The following ASIC2 variants were observed in gnomAD, a reference collection of about 807,000 sequenced individuals.
The protein encoded by ASIC2 is acid sensing ion channel subunit 2.
In ASIC2, 25 loss-of-function variants were observed where a neutral mutation model predicts 57.3. The ratio of observed to expected loss-of-function variants is 0.44; its 90% CI spans 0.32 to 0.61. The LOEUF (loss-of-function observed/expected upper bound fraction) is 0.61, where lower values mean the gene tolerates loss of function less well. Among genes scored for constraint, ASIC2 ranks in the 20% least tolerant of loss-of-function variants. The pLI, the probability that ASIC2 is intolerant of heterozygous loss-of-function variation, is 0.06. For missense variants in ASIC2, 641 were observed against 738.1 expected (o/e 0.87, Z 1.52); for synonymous variants, 319 against 307.5 (o/e 1.04, Z -0.39).
At chr17:33,151,560 T>C (rs1432003248) in intron 1 of ASIC2, among the ~76,000 whole-genome samples, 4 of 152,122 alleles carry the variant, frequency 2.6e-5, no homozygotes, top group African/African-American at 7.2e-5. Flanking sequence ...GCAACAGTGT[T>C]GAGAGGTGGG....
chr17:33,149,081 AAG>A lies in ASIC2; in HGVS notation c.709-37016_709-37015del, dbSNP rs549945827. Among the ~76,000 whole-genome samples, 446 of 152,330 alleles carry A rather than the reference AAG, an allele frequency of 2.9e-3. 7 individuals are homozygous for A. The highest frequency in any genetic ancestry group is 0.01 in the African/African-American group (431 of 41,576). On this transcript the variant is annotated intron_variant, in intron 1 of 9. Transcript: ENST00000225823. ...TGCACTCCAGCGTGGGTGACAGAGC[AAG>A]AGTCTGTCTTAAAAAAAAGAAACAA... is the stretch of plus-strand genomic sequence containing the variant.
intron 1 of ASIC2, chr17:34,072,330 TAAG>T (rs1909442532): frequency 6.6e-6 from 1 of 152,198 alleles, no homozygotes; most frequent in South Asian, 2.1e-4. Flanking sequence ...AGCAGCCTGT[TAAG>T]AAGAAGGGCA....
At chr17:33,310,816 T>G (rs145554353) in intron 1 of ASIC2, among the ~76,000 whole-genome samples, 1 of 152,236 alleles carries the variant, frequency 6.6e-6, no homozygotes, top group Non-Finnish European at 1.5e-5. Flanking sequence ...TCCAAATATA[T>G]AGATAGATAT....
At chr17:33,676,015 T>C (rs1297298781) in intron 1 of ASIC2, among the ~76,000 whole-genome samples, 1 of 152,256 alleles carries the variant, frequency 6.6e-6, no homozygotes, top group African/African-American at 2.4e-5. Context: ...CACATTTTTG[T>C]AATTCTTGCA....
chr17:33,917,853 G>A (rs527580297), intron 1 of ASIC2, among the ~76,000 whole-genome samples: 28 of 111,112 alleles, frequency 2.5e-4, no homozygotes, highest in South Asian at 5.8e-4. Flanking sequence ...CATAAAGCCC[G>A]GTACACACAC....
chr17:33,427,727 G>A (rs1002307551), intron 1 of ASIC2, among the ~76,000 whole-genome samples: 1 of 152,198 alleles, frequency 6.6e-6, no homozygotes, highest in African/African-American at 2.4e-5. Context: ...CTGTACACTA[G>A]AGATACCTGG....
intron 1 of ASIC2, among the ~76,000 whole-genome samples, chr17:33,518,842 A>G (rs1914651153): frequency 1.3e-5 from 2 of 149,478 alleles, no homozygotes; most frequent in South Asian, 4.2e-4. Flanking sequence ...TTTTTTTGAG[A>G]TGGAGTCTCG....
At chr17:33,073,057 A>G (rs551020945) in intron 3 of ASIC2, among the ~76,000 whole-genome samples, 1 of 152,086 alleles carries the variant, frequency 6.6e-6, no homozygotes, top group South Asian at 2.1e-4. Context: ...TTCAACAGTG[A>G]CTCACCCTCA....
intron 1 of ASIC2, among the ~76,000 whole-genome samples, chr17:33,515,204 G>A (rs1914530464): frequency 6.6e-6 from 1 of 152,194 alleles, no homozygotes; most frequent in African/African-American, 2.4e-5. Flanking sequence ...TCTGGGGTTG[G>A]GAGGGGATGG....
rs999528911 is a variant in ASIC2, at chr17:34,031,582, C to T, written c.555+124396G>A. Reference sequence around the variant, plus strand: ...CTACTCCAAGCTACAGGAGGAAATTCGAACCAATGGCAAAGAAGTTAAAAG... The same window carrying T: ...CTACTCCAAGCTACAGGAGGAAATTTGAACCAATGGCAAAGAAGTTAAAAG... On this transcript the variant is annotated intron_variant, in intron 1 of 9. Coordinates refer to the ASIC2 transcript ENST00000359872. Among the ~76,000 whole-genome samples the T allele has an allele frequency of 5.0e-4, 76 of 152,104 alleles. 1 individual carries two copies. Among genetic ancestry groups the T allele is most frequent in the Admixed American group, 2.2e-3 (34 of 15,288 alleles).
At chr17:33,158,323 A>C (rs1905067871) in intron 1 of ASIC2, among the ~76,000 whole-genome samples, 1 of 152,202 alleles carries the variant, frequency 6.6e-6, no homozygotes, top group Non-Finnish European at 1.5e-5. Context: ...CCACCCCCTC[A>C]AGGGAAAGGT....
chr17:33,994,674 T>C (rs1003336448), intron 1 of ASIC2, among the ~76,000 whole-genome samples: 6 of 152,174 alleles, frequency 3.9e-5, no homozygotes, highest in African/African-American at 1.4e-4. Context: ...CCAAACAAGC[T>C]GAGAAATCAG....
intron 1 of ASIC2, among the ~76,000 whole-genome samples, chr17:33,247,162 C>T (rs1667150340): frequency 6.6e-6 from 1 of 152,180 alleles, no homozygotes; most frequent in African/African-American, 2.4e-5. Flanking sequence ...ATTCTCCTCA[C>T]TTTGCAAGAA....
chr17:33,600,242 TG>T (rs1292431036), intron 1 of ASIC2, among the ~76,000 whole-genome samples: 1 of 152,242 alleles, frequency 6.6e-6, no homozygotes, highest in African/African-American at 2.4e-5. Flanking sequence ...AATGGGCTCC[TG>T]ATAAAAGGAT....
At chr17:33,031,341 T>C (rs892939223) in intron 3 of ASIC2, among the ~76,000 whole-genome samples, 1 of 152,180 alleles carries the variant, frequency 6.6e-6, no homozygotes, top group Non-Finnish European at 1.5e-5. Context: ...TTTTAATGTC[T>C]GTAGGATTTA....
intron 1 of ASIC2, among the ~76,000 whole-genome samples, chr17:34,109,531 A>T (rs964108621): frequency 5.9e-5 from 9 of 152,238 alleles, no homozygotes; most frequent in Admixed American, 2.6e-4. Flanking sequence ...GTAAAAAAAA[A>T]ATGCAGTTTT....
intron 1 of ASIC2, among the ~76,000 whole-genome samples, chr17:33,628,754 G>C (rs1567673636): frequency 6.6e-6 from 1 of 152,172 alleles, no homozygotes; most frequent in African/African-American, 2.4e-5. Context: ...GCCCTCTGAG[G>C]TTGATACAAT....
At chr17:33,459,272 T>C (rs1398858002) in intron 1 of ASIC2, among the ~76,000 whole-genome samples, 2 of 152,058 alleles carry the variant, frequency 1.3e-5, no homozygotes, top group African/African-American at 4.8e-5. Flanking sequence ...TTGCTGAGTA[T>C]CTGGCCTGTT....
chr17:33,611,867 G>A (rs1358206036), intron 1 of ASIC2, among the ~76,000 whole-genome samples: 3 of 152,306 alleles, frequency 2.0e-5, no homozygotes, highest in African/African-American at 7.2e-5. Flanking sequence ...ATTAGTTTGA[G>A]TTCTTACTAT....
Sources: allele counts gnomAD v4.1 joint callset (sites outside exome capture counted in the v4.1 genomes callset), GRCh38; gene constraint gnomAD v4.1.1; transcripts MANE v1.5; gene names NCBI Gene and HGNC (gene_info 2026-07-23, HGNC 2026-07-21).